SIK3: variants seen among roughly 807,000 people sequenced by gnomAD.
The protein encoded by SIK3 is serine/threonine-protein kinase SIK3.
SIK3 carries 28 observed loss-of-function variants against 144.2 expected under a neutral mutation model. The ratio of observed to expected loss-of-function variants is 0.19; its 90% CI spans 0.14 to 0.27. SIK3 has a LOEUF of 0.27. Ranked by LOEUF, SIK3 falls within the 10% of genes least tolerant of loss-of-function variation. SIK3 has a pLI of 1.00. For synonymous variants in SIK3, 686 were observed against 676.3 expected (o/e 1.01, Z -0.22); for missense variants, 1,319 against 1,776.0 (o/e 0.74, Z 4.62).
intron 1 of SIK3, among the ~76,000 whole-genome samples, chr11:117,032,011 C>A (rs1397550279): frequency 6.6e-6 from 1 of 152,082 alleles, no homozygotes; most frequent in Non-Finnish European, 1.5e-5. Flanking sequence ...GTTATTCCTG[C>A]TTTTCTATTC....
chr11:116,897,326 G>A lies in SIK3; in HGVS notation c.617-9C>T. On this transcript the variant is annotated splice_polypyrimidine_tract_variant and intron_variant, in intron 4 of 24. Coordinates refer to ENST00000445177, the MANE Select transcript of SIK3 (RefSeq NM_001366686.3). ...GTTACTGAAACCAAAATCTAGAAAG[G>A]CAAATGGACATAATTCGTATTATTG... 1 of 1,611,720 alleles carries A rather than the reference G, an allele frequency of 6.2e-7. No homozygotes were observed. The highest frequency in any genetic ancestry group is 8.5e-7 in the Non-Finnish European group (1 of 1,178,718).
At chr11:117,070,449 T>TC (rs1389514642) in intron 1 of SIK3, among the ~76,000 whole-genome samples, 1 of 151,654 alleles carries the variant, frequency 6.6e-6, no homozygotes, top group Non-Finnish European at 1.5e-5. Flanking sequence ...ATACCTTTTT[T>TC]TTTTTTTCTT....
intron 1 of SIK3, among the ~76,000 whole-genome samples, chr11:117,057,455 A>T (rs1221031051): frequency 6.6e-6 from 1 of 152,062 alleles, no homozygotes; most frequent in Non-Finnish European, 1.5e-5. Flanking sequence ...TCACACTGAA[A>T]CCCTCTATTT....
chr11:116,908,896 T>A (rs558864522), intron 4 of SIK3, among the ~76,000 whole-genome samples: 56 of 152,314 alleles, frequency 3.7e-4, no homozygotes, highest in African/African-American at 1.2e-3. Context: ...GTTTACACTC[T>A]TAAATGTTTA....
chr11:117,095,453 C>T (rs1312886187), intron 1 of SIK3, among the ~76,000 whole-genome samples: 1 of 152,044 alleles, frequency 6.6e-6, no homozygotes, highest in African/African-American at 2.4e-5. Context: ...CCAAATGACC[C>T]CTCTGCAGAA....
In SIK3 at chr11:116,876,424, G is replaced by A. The variant is rs1944259007; in HGVS notation, c.985-61C>T. 7 of 1,362,986 alleles carry A rather than the reference G, an allele frequency of 5.1e-6. No homozygotes were observed. The East Asian group carries it at 1.6e-4, about 31-fold the overall frequency. The allele number at this position is 1,362,986 out of a possible 1,614,324, so 84.4% of individuals were successfully genotyped here. ...AATTAACCACATCAAATGTGGCACA[G>A]CATATATAATGACCAACCTGTTCCA... On this transcript the variant is annotated intron_variant, in intron 7 of 24. Transcript: ENST00000445177.
chr11:116,942,167 C>T, intron 3 of SIK3, among the ~76,000 whole-genome samples: 1 of 152,178 alleles, frequency 6.6e-6, no homozygotes, highest in Admixed American at 6.5e-5. Flanking sequence ...TATTAAATAA[C>T]ATGCAAATTC....
intron 1 of SIK3, among the ~76,000 whole-genome samples, chr11:117,056,832 T>C (rs902408660): frequency 4.6e-5 from 7 of 152,176 alleles, no homozygotes; most frequent in Non-Finnish European, 8.8e-5. Flanking sequence ...TTTGGCAATA[T>C]TGGTGAAAAT....
chr11:116,986,982 T>C (rs1356140487), intron 1 of SIK3, among the ~76,000 whole-genome samples: 2 of 152,184 alleles, frequency 1.3e-5, no homozygotes, highest in Non-Finnish European at 1.5e-5. Flanking sequence ...AATGAGGAGT[T>C]GTTACTTAAT....
chr11:116,885,126 A>G (rs1353069198), intron 6 of SIK3, among the ~76,000 whole-genome samples: 1 of 152,254 alleles, frequency 6.6e-6, no homozygotes, highest in East Asian at 1.9e-4. Flanking sequence ...GAATAGAAAT[A>G]AAGTTCTTTA....
rs759145346 is a variant in SIK3 at position 116,863,746 on chromosome 11, A to G, written c.2025T>C (p.Asp675=). The change falls in exon 16 of 25, where the codon GAT becomes GAC. Residue 675 remains aspartate, a synonymous_variant. Transcript: ENST00000445177. ...TGAAGGCCTGGATGCTCGCAGCCCC[A>G]TCTGAGAACCGGCGCACAGGGGAGA... The part of the protein sequence containing the change: ...ERFSPVRRFS[D]GAASIQAFKA... 4 of 1,613,948 alleles carry G rather than the reference A, an allele frequency of 2.5e-6. No homozygotes were observed. Among genetic ancestry groups the G allele is most frequent in the Non-Finnish European group, 2.5e-6 (3 of 1,180,020 alleles).
At chr11:116,923,252 T>C (rs1360975309) in intron 4 of SIK3, among the ~76,000 whole-genome samples, 1 of 152,218 alleles carries the variant, frequency 6.6e-6, no homozygotes, top group Non-Finnish European at 1.5e-5. Flanking sequence ...AAAAACCCTT[T>C]TTCTCTCTTG....
rs78851043 is a variant in SIK3 at position 116,956,447 on chromosome 11, C to G, written c.390+501G>C. Among the ~76,000 whole-genome samples, 1,208 of 152,018 alleles carry G rather than the reference C, an allele frequency of 7.9e-3. 14 individuals carry two copies. Among genetic ancestry groups the G allele is most frequent in the African/African-American group, 0.025 (1,037 of 41,482 alleles). On this transcript the variant is annotated intron_variant, in intron 2 of 24. Transcript: ENST00000445177. ...TACCTTGGAAAACTAAGTCTACAAT[C>G]CTATTAGAATAGAAAAGAGGTAGGT...
intron 1 of SIK3, among the ~76,000 whole-genome samples, chr11:117,014,395 GATA>G (rs1480245736): frequency 6.6e-6 from 1 of 152,032 alleles, no homozygotes; most frequent in African/African-American, 2.4e-5. Flanking sequence ...ACTTTTAGAA[GATA>G]ATATTAGAGA....
At chr11:116,888,028 G>T (rs1944916870) in intron 6 of SIK3, among the ~76,000 whole-genome samples, 1 of 152,148 alleles carries the variant, frequency 6.6e-6, no homozygotes, top group South Asian at 2.1e-4. Context: ...ATAGAGAGCA[G>T]CTTAGAATTC....
chr11:117,056,546 GATATAGAT>G (rs948528593), intron 1 of SIK3, among the ~76,000 whole-genome samples: 24 of 78,084 alleles, frequency 3.1e-4, no homozygotes, highest in African/African-American at 2.1e-3. Context: ...GATAGATATA[GATATAGAT>G]ATAGATATAG....
At chr11:117,017,442 A>G (rs1951585131) in intron 1 of SIK3, among the ~76,000 whole-genome samples, 1 of 152,208 alleles carries the variant, frequency 6.6e-6, no homozygotes, top group Admixed American at 6.5e-5. Context: ...TACACTTTTC[A>G]GTATACCTCT....
chr11:117,016,402 A>T (rs866375736), intron 1 of SIK3, among the ~76,000 whole-genome samples: 2 of 112,480 alleles, frequency 1.8e-5, no homozygotes, highest in Non-Finnish European at 3.6e-5. Flanking sequence ...GAGGGAAGGA[A>T]GGAAGGAAGG....
Position 116,858,011 on chromosome 11 carries a change from C to A in SIK3, c.3454G>T (p.Ala1152Ser), listed in dbSNP as rs756309503. 7.4e-6 allele frequency: 12 copies of A among 1,613,990 alleles called. No individual in the cohort carries two copies. In the East Asian group the frequency reaches 2.5e-4, roughly 33 times the overall value. Residue 1152 changes from alanine (A) to serine (S), a missense_variant, in exon 21 of 25, where the codon GCC becomes TCC. This residue lies in a region of SIK3 where 646 missense variants were observed against 763.7 expected (regional missense o/e 0.85). Transcript: ENST00000445177. The surrounding 1 kb of genome is among the most constrained non-coding windows in gnomAD (Gnocchi z 5.4). ...TTACTGTCTTGGAAGCCATCCTTGG[C>A]CCCCTCACACGAGCAGTCCTCCTCC... Reference protein sequence around the residue: ...SMEEDCSCEGAKDGFQDSKSS... With the variant: ...SMEEDCSCEGSKDGFQDSKSS...
Sources: allele counts gnomAD v4.1 joint callset (sites outside exome capture counted in the v4.1 genomes callset), GRCh38; gene constraint gnomAD v4.1.1; regional missense constraint gnomAD v4.1.1; non-coding constraint Gnocchi (gnomAD v3.1); transcripts MANE v1.5; gene names NCBI Gene and HGNC (gene_info 2026-07-23, HGNC 2026-07-21).